DRAM2: variants seen among roughly 807,000 people sequenced by gnomAD.
DRAM2 encodes DNA damage-regulated autophagy modulator protein 2.
Under a neutral mutation model 33.5 loss-of-function variants are expected in DRAM2, and 26 were observed. The observed-to-expected ratio is 0.78, with a 90% CI of 0.57 to 1.08. The LOEUF is 1.08. Among genes scored for constraint, DRAM2 ranks in the 50% least tolerant of loss-of-function variants. The pLI, the probability that DRAM2 is intolerant of heterozygous loss-of-function variation, is 0.00. For synonymous variants in DRAM2, 98 were observed against 109.5 expected, an observed-to-expected ratio of 0.89 and a Z score of 0.66; for missense variants, 311 against 318.1, an observed-to-expected ratio of 0.98 and a Z score of 0.17.
intron 6 of DRAM2, among the ~76,000 whole-genome samples, chr1:111,124,023 C>A (rs1650533394): frequency 6.6e-6 from 1 of 152,126 alleles, no homozygotes; most frequent in Admixed American, 6.6e-5. Context: ...ACAAAACAAA[C>A]CAAGGCAGTT....
At chr1:111,121,558 C>T (rs1571020278) in intron 6 of DRAM2, among the ~76,000 whole-genome samples, 1 of 152,082 alleles carries the variant, frequency 6.6e-6, no homozygotes, top group African/African-American at 2.4e-5. Flanking sequence ...GAAAAAAATT[C>T]CTCTAAGTAG....
In DRAM2 at chr1:111,131,646, C is replaced by A. The variant is rs557337379; in HGVS notation, c.-14-78G>T. ...CTACTTTAGCCATCCATGCCCACAG[C>A]CTTGTACTTACCACCCCAAGCTGTT... On this transcript the variant is annotated intron_variant, in intron 3 of 9. Coordinates refer to ENST00000484310, the MANE Select transcript of DRAM2 (RefSeq NM_001349884.2). The A allele has an allele frequency of 3.5e-6, 5 of 1,411,516 alleles. No homozygotes were observed. The South Asian group carries it at 3.8e-5, about 11-fold the overall frequency. The allele number at this position is 1,411,516 out of a possible 1,614,324, so 87.4% of individuals were successfully genotyped here.
At position 111,131,564 on chromosome 1, in the gene DRAM2, G is replaced by A; in HGVS notation, c.-10C>T. 1 of 1,612,698 alleles carries A rather than the reference G, an allele frequency of 6.2e-7. No homozygotes were observed. The highest frequency in any genetic ancestry group is 8.5e-7 in the Non-Finnish European group (1 of 1,179,662). On this transcript the variant is annotated 5_prime_UTR_variant, in exon 4 of 10. Transcript: ENST00000484310. ...GCTGAAACCACCACATTTCTAACAG[G>A]TTTTCTGAAATAGAGAAAACATATT...
intron 8 of DRAM2, chr1:111,119,588 G>T: frequency 3.6e-6 from 1 of 281,292 alleles, no homozygotes; most frequent in Non-Finnish European, 6.6e-6. Flanking sequence ...AATGATCTCG[G>T]TTGGCTATAT....
In DRAM2 at chr1:111,140,038, C is replaced by G. The variant is rs547022633; in HGVS notation, c.-245G>C. On this transcript the variant is annotated splice_region_variant and 5_prime_UTR_variant, in exon 1 of 10. Transcript: ENST00000484310. ...TCCCTTCTCCCCTACTTCGACTTAC[C>G]TTACCAGACCGACTAGCGCTGGCCG... 2.6e-5 allele frequency: 4 copies of G among 152,496 alleles called. No homozygotes were observed. The highest frequency in any genetic ancestry group is 5.9e-5 in the Non-Finnish European group (4 of 68,286). 9.4% of individuals were successfully genotyped at this position (152,496 alleles called of 1,614,324 possible). A position where few individuals can be genotyped will look rare whatever the true frequency, so the allele number is the denominator to read the frequency against.
rs1649132227 is a variant in DRAM2 at position 111,117,387 on chromosome 1, T to C, written c.*773A>G. ...CTGTTATTCCCAAACTTCTCAATGT[T>C]ACATGAATACTAACCCTTGTTTTAT... On this transcript the variant is annotated 3_prime_UTR_variant, in exon 10 of 10. Coordinates refer to ENST00000484310, the MANE Select transcript of DRAM2 (RefSeq NM_001349884.2). The C allele has an allele frequency of 6.6e-6, 1 of 152,114 alleles. No homozygotes were observed. The highest frequency in any genetic ancestry group is 2.1e-4 in the South Asian group (1 of 4,832). 9.4% of individuals were successfully genotyped at this position (152,114 alleles called of 1,614,324 possible).
At chr1:111,134,551 T>A (rs192483692) in intron 3 of DRAM2, among the ~76,000 whole-genome samples, 683 of 152,274 alleles carry the variant, frequency 4.5e-3, no homozygotes, top group African/African-American at 0.016. Context: ...ATCTATTCAG[T>A]TAATCATGAC....
intron 4 of DRAM2, among the ~76,000 whole-genome samples, chr1:111,130,488 G>A (rs1349018953): frequency 3.3e-5 from 5 of 151,470 alleles, no homozygotes; most frequent in Admixed American, 1.3e-4. Flanking sequence ...GGCAGATCAC[G>A]AGGTCAGAAG....
intron 7 of DRAM2, 132 bp from the exon 8 acceptor site, chr1:111,120,091 C>T (rs1373690582): frequency 2.0e-5 from 15 of 765,164 alleles, no homozygotes; most frequent in Non-Finnish European, 3.2e-5. Context: ...CTTAATGTTA[C>T]ACAGCAGTGG....
intron 3 of DRAM2, among the ~76,000 whole-genome samples, chr1:111,137,095 T>C (rs1653357614): frequency 6.6e-6 from 1 of 151,466 alleles, no homozygotes; most frequent in African/African-American, 2.4e-5. Flanking sequence ...CTACTAAAAA[T>C]ACAAAAAATT....
At chr1:111,132,139 C>T (rs2101091387) in intron 3 of DRAM2, among the ~76,000 whole-genome samples, 1 of 152,244 alleles carries the variant, frequency 6.6e-6, no homozygotes, top group South Asian at 2.1e-4. Flanking sequence ...TCCCCAATTC[C>T]AGGAAGGCAG....
rs1390646277 is a variant in DRAM2, at chr1:111,119,864, T to C, written c.600+13A>G. On this transcript the variant is annotated intron_variant, in intron 8 of 9. Coordinates refer to ENST00000484310, the MANE Select transcript of DRAM2 (RefSeq NM_001349884.2). ...TTAATATAAAACTAAGTTTATAGAC[T>C]GTAAGTTCTTACTTTGTCCTCGGGG... 1 of 1,606,562 alleles carries C rather than the reference T, an allele frequency of 6.2e-7. No individual in the cohort carries two copies. The highest frequency in any genetic ancestry group is 2.2e-5 in the East Asian group (1 of 44,804).
chr1:111,127,771 A>C (rs918452382), intron 4 of DRAM2, among the ~76,000 whole-genome samples: 1 of 152,138 alleles, frequency 6.6e-6, no homozygotes, highest in African/African-American at 2.4e-5. Flanking sequence ...CTCAGGAGAG[A>C]ATGACATACA....
chr1:111,138,169 T>A (rs1421790819), intron 2 of DRAM2, among the ~76,000 whole-genome samples: 1 of 152,258 alleles, frequency 6.6e-6, no homozygotes, highest in African/African-American at 2.4e-5. Context: ...ACTTTATGTA[T>A]GATTTTTTTC....
intron 4 of DRAM2, among the ~76,000 whole-genome samples, chr1:111,130,901 G>T (rs1298346699): frequency 6.6e-6 from 1 of 151,540 alleles, no homozygotes; most frequent in Non-Finnish European, 1.5e-5. Flanking sequence ...CAGCTACTCG[G>T]CAGGCTGAGG....
chr1:111,119,869 G>A lies in DRAM2; in HGVS notation c.600+8C>T, dbSNP rs1247317017. The A allele has an allele frequency of 5.0e-6, 8 of 1,610,096 alleles. No homozygotes were observed. The highest frequency in any genetic ancestry group is 6.8e-6 in the Non-Finnish European group (8 of 1,176,970). On this transcript the variant is annotated splice_region_variant and intron_variant, in intron 8 of 9. Transcript: ENST00000484310. ...ATAAAACTAAGTTTATAGACTGTAA[G>A]TTCTTACTTTGTCCTCGGGGTTCCA...
rs372847882 is a variant in DRAM2 at position 111,118,944 on chromosome 1, C to T, written c.601-47G>A. 73 of 1,317,288 alleles carry T rather than the reference C, an allele frequency of 5.5e-5. 1 individual carries two copies. The highest frequency in any genetic ancestry group is 3.7e-4 in the Middle Eastern group (2 of 5,442). The allele number at this position is 1,317,288 out of a possible 1,614,324, so 81.6% of individuals were successfully genotyped here. A position where few individuals can be genotyped will look rare whatever the true frequency, so the allele number is the denominator to read the frequency against. ...ATAGTTTTGTGAAATTTCATTTAAA[C>T]GATCTATATACTATGTTTCAAATAA... is the stretch of plus-strand genomic sequence containing the variant. On this transcript the variant is annotated intron_variant, in intron 8 of 9. Coordinates refer to ENST00000484310, the MANE Select transcript of DRAM2 (RefSeq NM_001349884.2).
At chr1:111,121,492 T>C (rs138924229) in intron 6 of DRAM2, among the ~76,000 whole-genome samples, 140 of 152,280 alleles carry the variant, frequency 9.2e-4, no homozygotes, top group African/African-American at 3.1e-3. Context: ...AGAAAATTAA[T>C]ACAGATTTCT....
chr1:111,130,472 A>G (rs1352166311), intron 4 of DRAM2, among the ~76,000 whole-genome samples: 3 of 151,634 alleles, frequency 2.0e-5, no homozygotes, highest in African/African-American at 7.3e-5. Flanking sequence ...TTGGGAGGCC[A>G]AGGCGGGCAG....
Sources: gnomAD v4.1 joint callset for allele counts (sites outside exome capture counted in the v4.1 genomes callset) on GRCh38, gnomAD v4.1.1 for gene constraint, MANE v1.5 for transcripts, NCBI Gene and HGNC (gene_info 2026-07-23, HGNC 2026-07-21) for gene names.